The following WWOX variants were observed in gnomAD, a reference collection of about 807,000 sequenced individuals.
WWOX encodes the protein WW domain containing oxidoreductase.
WWOX carries 69 observed loss-of-function variants against 46.2 expected under a neutral mutation model. That is an observed-to-expected ratio of 1.49 (90% confidence interval 1.23 to 1.82). WWOX has a LOEUF of 1.82. WWOX is among the 40% of genes most tolerant of loss of function. The pLI, the probability that WWOX is intolerant of heterozygous loss-of-function variation, is 0.00. For missense variants in WWOX, 919 were observed against 542.6 expected, an observed-to-expected ratio of 1.69 and a Z score of -6.89; for synonymous variants, 359 against 202.6, an observed-to-expected ratio of 1.77 and a Z score of -6.56.
At chr16:78,200,150 C>G (rs1282798885) in intron 5 of WWOX, among the ~76,000 whole-genome samples, 2 of 152,076 alleles carry the variant, frequency 1.3e-5, no homozygotes, top group Non-Finnish European at 2.9e-5. Flanking sequence ...ATTGAGTCAG[C>G]TGTAAAACTG....
intron 5 of WWOX, chr16:78,270,337 T>C (rs2079451305): frequency 6.6e-6 from 1 of 152,194 alleles, no homozygotes; most frequent in Admixed American, 6.5e-5. Context: ...GTACAGATAG[T>C]GTCTCCCTCA....
intron 8 of WWOX, among the ~76,000 whole-genome samples, chr16:78,958,540 T>G (rs2046214060): frequency 6.6e-6 from 1 of 152,244 alleles, no homozygotes; most frequent in Non-Finnish European, 1.5e-5. Flanking sequence ...TTTGGGAAGT[T>G]ATGGTGCCTT....
chr16:78,769,512 C>T (rs1180457330), intron 8 of WWOX, among the ~76,000 whole-genome samples: 1 of 146,196 alleles, frequency 6.8e-6, no homozygotes, highest in Non-Finnish European at 1.5e-5. Flanking sequence ...AATGTAATCC[C>T]TCCCACCCAC....
chr16:79,032,548 A>G (rs1457640171), intron 8 of WWOX, among the ~76,000 whole-genome samples: 1 of 148,392 alleles, frequency 6.7e-6, no homozygotes, highest in African/African-American at 2.5e-5. Context: ...TATATTATAC[A>G]TGTAATATAC....
At chr16:78,886,296 G>A (rs1425908606) in intron 8 of WWOX, among the ~76,000 whole-genome samples, 8 of 147,192 alleles carry the variant, frequency 5.4e-5, no homozygotes, top group Admixed American at 2.1e-4. Context: ...AAAAAAAAAA[G>A]CATTTACTTT....
At chr16:78,398,234 T>C (rs1415186716) in intron 6 of WWOX, among the ~76,000 whole-genome samples, 1 of 152,186 alleles carries the variant, frequency 6.6e-6, no homozygotes, top group Non-Finnish European at 1.5e-5. Flanking sequence ...CACTTCCTGC[T>C]GTGGCCCACC....
intron 6 of WWOX, among the ~76,000 whole-genome samples, chr16:78,404,552 C>T (rs1054514475): frequency 5.3e-5 from 8 of 152,104 alleles, no homozygotes; most frequent in African/African-American, 1.4e-4. Context: ...TTGTGGAGTT[C>T]GCTAAATTCT....
intron 8 of WWOX, among the ~76,000 whole-genome samples, chr16:78,812,363 G>A (rs2051211916): frequency 6.6e-6 from 1 of 151,970 alleles, no homozygotes; most frequent in Non-Finnish European, 1.5e-5. Context: ...AACATGACAG[G>A]TCTTATGTTC....
intron 5 of WWOX, among the ~76,000 whole-genome samples, chr16:78,306,653 C>T (rs2080139200): frequency 6.6e-6 from 1 of 152,008 alleles, no homozygotes; most frequent in Non-Finnish European, 1.5e-5. Flanking sequence ...ACCACAATTC[C>T]CACCCCATGC....
At chr16:78,606,283 T>C (rs1011796527) in intron 8 of WWOX, among the ~76,000 whole-genome samples, 2 of 152,204 alleles carry the variant, frequency 1.3e-5, no homozygotes, top group African/African-American at 4.8e-5. Context: ...TTAAAAAGTT[T>C]AGCACATTTA....
intron 8 of WWOX, among the ~76,000 whole-genome samples, chr16:78,509,644 A>G (rs971289752): frequency 6.6e-6 from 1 of 152,200 alleles, no homozygotes; most frequent in African/African-American, 2.4e-5. Context: ...AAAAGCAGCG[A>G]TGGCAGGACT....
At chr16:78,191,390 CAT>C (rs2151763969) in intron 5 of WWOX, among the ~76,000 whole-genome samples, 1 of 152,268 alleles carries the variant, frequency 6.6e-6, no homozygotes, top group East Asian at 1.9e-4. Context: ...GGTAAAAAAA[CAT>C]AAATCTGCCA....
chr16:79,159,711 A>G (rs1410766556), intron 8 of WWOX, among the ~76,000 whole-genome samples: 3 of 152,236 alleles, frequency 2.0e-5, no homozygotes, highest in African/African-American at 4.8e-5. Context: ...AGCAGGCAGT[A>G]TTAAACGCAT....
At chr16:79,006,115 G>T (rs376998144) in intron 8 of WWOX, among the ~76,000 whole-genome samples, 1 of 152,164 alleles carries the variant, frequency 6.6e-6, no homozygotes, top group African/African-American at 2.4e-5. Context: ...GTGGGGTGAG[G>T]GTGGCAGTGG....
chr16:78,320,879 G>T (rs1211632649), intron 5 of WWOX, among the ~76,000 whole-genome samples: 1 of 152,160 alleles, frequency 6.6e-6, no homozygotes, highest in African/African-American at 2.4e-5. Flanking sequence ...TCACAAAAAT[G>T]AAAATAGCTT....
chr16:78,223,341 G>C (rs1249856549), intron 5 of WWOX, among the ~76,000 whole-genome samples: 1 of 152,090 alleles, frequency 6.6e-6, no homozygotes, highest in Admixed American at 6.6e-5. Flanking sequence ...GAATTGTCTG[G>C]CCCCAAAAGT....
At chr16:78,350,793 A>T (rs9934747) in intron 5 of WWOX, among the ~76,000 whole-genome samples, 65,601 of 118,384 alleles carry the variant, frequency 0.55, 26,503 homozygotes, top group African/African-American at 0.7. Context: ...ATATAGGTTT[A>T]CCTTTTTTGG....
At chr16:78,918,382 C>G (rs540533805) in intron 8 of WWOX, among the ~76,000 whole-genome samples, 1 of 152,134 alleles carries the variant, frequency 6.6e-6, no homozygotes. Context: ...CATGAAACCT[C>G]TCTCCTTTCC....
intron 5 of WWOX, among the ~76,000 whole-genome samples, chr16:78,176,100 C>G (rs2035335891): frequency 1.3e-5 from 2 of 152,220 alleles, no homozygotes; most frequent in South Asian, 4.1e-4. Context: ...AGTTCTCCCT[C>G]ATATTGAAGG....
Sources: allele counts gnomAD v4.1 joint callset (sites outside exome capture counted in the v4.1 genomes callset), GRCh38; gene constraint gnomAD v4.1.1; transcripts MANE v1.5; gene names NCBI Gene and HGNC (gene_info 2026-07-23, HGNC 2026-07-21).